The following HAL variants were observed in gnomAD, a reference collection of about 807,000 sequenced individuals.
HAL encodes histidase.
In HAL, 85 loss-of-function variants were observed where a neutral mutation model predicts 81.1. The observed-to-expected ratio is 1.05, with a 90% CI of 0.88 to 1.25. The LOEUF is 1.25. HAL is among the 50% of genes most tolerant of loss of function. HAL has a pLI of 0.00. For synonymous variants in HAL, 301 were observed against 309.2 expected, an observed-to-expected ratio of 0.97 and a Z score of 0.28; for missense variants, 798 against 836.6, an observed-to-expected ratio of 0.95 and a Z score of 0.57.
In HAL at chr12:95,976,342, A is replaced by G. The variant is rs933135166; in HGVS notation, c.1833+87T>C. 1.2e-4 allele frequency: 128 copies of G among 1,059,792 alleles called. No individual in the cohort carries two copies. The African/African-American group carries it at 1.5e-3, about 12-fold the overall frequency. The allele number at this position is 1,059,792 out of a possible 1,614,324, so 65.6% of individuals were successfully genotyped here. A position where few individuals can be genotyped will look rare whatever the true frequency, so the allele number is the denominator to read the frequency against. ...CATTCCCAAGGAATGGCCAGAAAAC[A>G]ATAGAATAAGGCAATGTTTCTCCAT... On this transcript the variant is annotated intron_variant, in intron 20 of 20. Coordinates refer to ENST00000261208, the MANE Select transcript of HAL (RefSeq NM_002108.4).
intron 9 of HAL, 29 bp from the exon 10 acceptor site, chr12:95,990,561 C>T: frequency 1.9e-6 from 3 of 1,603,402 alleles, no homozygotes; most frequent in Non-Finnish European, 2.6e-6. Context: ...GCAATTAGTT[C>T]AAGAGTACTG....
In HAL at chr12:95,974,274, C is replaced by T; in HGVS notation, c.1932G>A (p.Leu644=). 6.2e-7 allele frequency: 1 copy of T among 1,613,730 alleles called. No homozygotes were observed. The highest frequency in any genetic ancestry group is 8.5e-7 in the Non-Finnish European group (1 of 1,179,648). ...LSPTAFSLQF[L]HKKSTKIPES... ...CCGGGATTTTGGTGGATTTCTTGTG[C>T]AGAAATTGCAGTGAAAAGGCTGTTG... Residue 644 remains leucine (L), a synonymous_variant, in exon 21 of 21, where the codon CTG becomes CTA. Coordinates refer to ENST00000261208, the MANE Select transcript of HAL (RefSeq NM_002108.4).
At chr12:95,985,775 G>A in intron 14 of HAL, 133 bp downstream of exon 14, 1 of 678,060 alleles carries the variant, frequency 1.5e-6, no homozygotes, top group Non-Finnish European at 2.6e-6. Flanking sequence ...GAGACAGTAA[G>A]AAATTTGGAC....
At position 95,980,548 on chromosome 12, in the gene HAL, G is replaced by A; in HGVS notation, c.1519+8C>T. ...GCGTGTGTTCTGGGAAAGGGGCAGT[G>A]TCCTTACCAAGGGCTGCTGCCGTGC... On this transcript the variant is annotated splice_region_variant and intron_variant, in intron 17 of 20. Transcript: ENST00000261208. 3.1e-6 allele frequency: 5 copies of A among 1,612,032 alleles called. No individual in the cohort carries two copies. The highest frequency in any genetic ancestry group is 1.1e-5 in the South Asian group (1 of 91,022).
intron 15 of HAL, among the ~76,000 whole-genome samples, chr12:95,981,110 T>C (rs141389337): frequency 6.6e-6 from 1 of 152,324 alleles, no homozygotes; most frequent in East Asian, 1.9e-4. Context: ...ATGTTTTCTC[T>C]TGAGATTAGA....
At chr12:95,980,898 T>G (rs1393682968) in intron 15 of HAL, 35 bp from the exon 16 acceptor site, 2 of 1,240,640 alleles carry the variant, frequency 1.6e-6, no homozygotes, top group Non-Finnish European at 2.4e-6. Flanking sequence ...AGATAATGTT[T>G]GCTGGTCACT....
intron 20 of HAL, among the ~76,000 whole-genome samples, chr12:95,975,482 A>G (rs2080706560): frequency 6.6e-6 from 1 of 152,042 alleles, no homozygotes; most frequent in Admixed American, 6.6e-5. Context: ...GTTTGAGTCC[A>G]GCCTTGGCAA....
At chr12:95,990,212 G>A (rs1233801086) in intron 10 of HAL, 181 bp downstream of exon 10, 1 of 677,830 alleles carries the variant, frequency 1.5e-6, no homozygotes, top group Admixed American at 2.1e-5. Flanking sequence ...GCCGAGTATA[G>A]AAGCTAACAA....
In HAL at chr12:95,985,932, T is replaced by C. The variant is rs137981844; in HGVS notation, c.1182A>G (p.Ala394=). Residue 394 remains alanine (A), a synonymous_variant, in exon 14 of 21, where the codon GCA becomes GCG. Coordinates refer to ENST00000261208, the MANE Select transcript of HAL (RefSeq NM_002108.4). ...CCTGTGGACAGCAGCGCAAGGTGTA[T>C]GCATCCTGGACGCGATCACAGAACC... ...SHRFCDRVQD[A]YTLRCCPQVH... 24 of 1,611,936 alleles carry C rather than the reference T, an allele frequency of 1.5e-5. 1 individual carries two copies. The African/African-American group carries it at 2.5e-4, about 17-fold the overall frequency.
chr12:95,978,126 T>C (rs1485387698), intron 17 of HAL, 48 bp from the exon 18 acceptor site: 1 of 1,507,684 alleles, frequency 6.6e-7, no homozygotes, highest in Admixed American at 1.7e-5. Flanking sequence ...CAGGATGAGC[T>C]GTCTAAAGGA....
At chr12:95,994,714 T>C (rs1466659262) in intron 4 of HAL, 84 bp downstream of exon 4, 2 of 1,320,706 alleles carry the variant, frequency 1.5e-6, no homozygotes, top group African/African-American at 2.9e-5. Flanking sequence ...TGACAGTGTT[T>C]TCTCAGAAGT....
At chr12:95,994,051 A>G (rs17677007) in intron 5 of HAL, 39 bp downstream of exon 5, 251,540 of 1,595,664 alleles carry the variant, frequency 0.16, 21,852 homozygotes, top group Non-Finnish European at 0.18. Flanking sequence ...ACGGGCAACA[A>G]AAATGGCCAG....
At chr12:95,990,204 C>T (rs1446666535) in intron 10 of HAL, 189 bp downstream of exon 10, 18 of 657,034 alleles carry the variant, frequency 2.7e-5, no homozygotes, top group Non-Finnish European at 2.5e-5. Context: ...GGCTGACAGC[C>T]GAGTATAGAA....
rs751205054 is a variant in HAL, at chr12:95,976,497, G to A, written c.1765C>T (p.Pro589Ser). Reference sequence around the variant, plus strand: ...GCCATGAAGCGATCTTTTATCCAGGGCCTACAGGGAGAGCACATCCGCCCA... The same window carrying A: ...GCCATGAAGCGATCTTTTATCCAGGACCTACAGGGAGAGCACATCCGCCCA... Reference protein sequence around the residue: ...VYDLVRSVVRPWIKDRFMAPD... With the variant: ...VYDLVRSVVRSWIKDRFMAPD... Residue 589 changes from proline (P) to serine (S), a missense_variant and splice_region_variant, in exon 20 of 21, where the codon CCC becomes TCC. Coordinates refer to ENST00000261208, the MANE Select transcript of HAL (RefSeq NM_002108.4). 6.2e-7 allele frequency: 1 copy of A among 1,613,912 alleles called. No homozygotes were observed. Among genetic ancestry groups the A allele is most frequent in the Non-Finnish European group, 8.5e-7 (1 of 1,179,776 alleles).
At chr12:95,995,305 G>C in intron 2 of HAL, 1 of 563,972 alleles carries the variant, frequency 1.8e-6, no homozygotes, top group Non-Finnish European at 3.2e-6. Flanking sequence ...CAGTCTGGGG[G>C]TGGGGGTGGA....
Position 95,980,577 on chromosome 12 carries a change from G to T in HAL, c.1498C>A (p.His500Asn). ...GGLNSGFMIA[H>N]CTAAALVSEN... ...TTACCAAGGGCTGCTGCCGTGCAGT[G>T]AGCTATCATGAACCCAGAGTTCAGA... Residue 500 changes from histidine (H) to asparagine (N), a missense_variant, in exon 17 of 21, where the codon CAC becomes AAC. By Grantham distance (68) the His-to-Asn change is moderately conservative. Transcript: ENST00000261208. The T allele has an allele frequency of 6.2e-7, 1 of 1,613,822 alleles. No homozygotes were observed. Among genetic ancestry groups the T allele is most frequent in the Non-Finnish European group, 8.5e-7 (1 of 1,179,982 alleles).
At chr12:95,993,530 G>T in intron 7 of HAL, 42 bp from the exon 8 acceptor site, 2 of 1,319,346 alleles carry the variant, frequency 1.5e-6, no homozygotes, top group Non-Finnish European at 2.2e-6. Context: ...ACATTGCAGT[G>T]AGAAAATGTT....
chr12:95,974,543 T>C (rs1378400605), intron 20 of HAL, among the ~76,000 whole-genome samples, 171 bp from the exon 21 acceptor site: 1 of 152,214 alleles, frequency 6.6e-6, no homozygotes, highest in Non-Finnish European at 1.5e-5. Context: ...TCAATTAGTC[T>C]TTGGTTGCAT....
chr12:95,987,357 G>A (rs1262625316), intron 11 of HAL, 143 bp from the exon 12 acceptor site: 11 of 728,024 alleles, frequency 1.5e-5, no homozygotes, highest in South Asian at 3.0e-5. Context: ...TCTAAAGTGC[G>A]GGACAGTAAT....
Sources: gnomAD v4.1 joint callset for allele counts (sites outside exome capture counted in the v4.1 genomes callset) on GRCh38, gnomAD v4.1.1 for gene constraint, MANE v1.5 for transcripts, NCBI Gene and HGNC (gene_info 2026-07-23, HGNC 2026-07-21) for gene names.